SUSD4: variants seen among roughly 807,000 people sequenced by gnomAD.
SUSD4 encodes sushi domain containing 4.
A neutral mutation model predicts 50.5 loss-of-function variants in SUSD4; 41 were observed. The ratio of observed to expected loss-of-function variants is 0.81; its 90% CI spans 0.63 to 1.05. SUSD4 has a LOEUF of 1.05. Ranked by LOEUF, SUSD4 falls within the 50% of genes least tolerant of loss-of-function variation. The pLI is 0.00. For missense variants in SUSD4, 580 were observed against 634.7 expected (o/e 0.91, Z 0.93); for synonymous variants, 257 against 257.3 (o/e 1.00, Z 0.01).
At chr1:223,334,685 A>G (rs1385646149) in intron 2 of SUSD4, among the ~76,000 whole-genome samples, 1 of 152,048 alleles carries the variant, frequency 6.6e-6, no homozygotes, top group Non-Finnish European at 1.5e-5. Flanking sequence ...ATTATGAGGG[A>G]AATTTTTTAA....
intron 5 of SUSD4, among the ~76,000 whole-genome samples, chr1:223,232,246 T>C (rs1659945597): frequency 6.6e-6 from 1 of 152,292 alleles, no homozygotes; most frequent in South Asian, 2.1e-4. Context: ...CTCTGATGTA[T>C]AGTATCCAGA....
intron 2 of SUSD4, among the ~76,000 whole-genome samples, chr1:223,361,383 A>G (rs527801780): frequency 6.6e-6 from 1 of 152,272 alleles, no homozygotes; most frequent in Admixed American, 6.5e-5. Context: ...CCTGCAGCAT[A>G]TGAGTGCCTA....
intron 2 of SUSD4, among the ~76,000 whole-genome samples, chr1:223,333,303 C>T (rs375906454): frequency 3.5e-4 from 53 of 152,256 alleles, no homozygotes; most frequent in Middle Eastern, 3.4e-3. Flanking sequence ...TCTCTGCCTA[C>T]GTTTCCACAC....
chr1:223,268,013 TTATATATA>T lies in SUSD4; in HGVS notation c.535+481_535+488del, dbSNP rs59885860. The stretch of plus-strand genomic sequence containing the variant: ...AATTTTTCTGCTCTTCATGCATTTT[TTATATATA>T]TATATATATATATATATATATACAC... On this transcript the variant is annotated intron_variant, in intron 4 of 8. Coordinates refer to ENST00000366878, the MANE Select transcript of SUSD4 (RefSeq NM_017982.4). Among the ~76,000 whole-genome samples the T allele has an allele frequency of 2.1e-4, 11 of 53,346 alleles. No individual in the cohort carries two copies. The East Asian group carries it at 3.4e-3, about 17-fold the overall frequency. The allele number at this position is 53,346 out of a possible 152,430, so 35.0% of individuals were successfully genotyped here.
intron 2 of SUSD4, among the ~76,000 whole-genome samples, chr1:223,335,117 G>C (rs764063749): frequency 9.2e-5 from 14 of 152,028 alleles, no homozygotes; most frequent in Non-Finnish European, 1.8e-4. Context: ...TTACCCACTT[G>C]TTGACTGATG....
intron 2 of SUSD4, among the ~76,000 whole-genome samples, chr1:223,336,673 T>A (rs1210143772): frequency 6.6e-6 from 1 of 152,204 alleles, no homozygotes; most frequent in Non-Finnish European, 1.5e-5. Flanking sequence ...TGCAGTAGTA[T>A]CTGGGTGACT....
intron 2 of SUSD4, 125 bp downstream of exon 2, chr1:223,363,153 T>C (rs1572149023): frequency 8.5e-7 from 1 of 1,181,562 alleles, no homozygotes. Flanking sequence ...GCAGGCACCC[T>C]CGCGTTGTCA....
intron 7 of SUSD4, among the ~76,000 whole-genome samples, chr1:223,224,874 T>G (rs996591372): frequency 1.3e-4 from 19 of 143,142 alleles, no homozygotes; most frequent in African/African-American, 4.7e-4. Context: ...TTTTTTTTTT[T>G]TTTTTTTTTT....
At chr1:223,337,449 G>A (rs144677976) in intron 2 of SUSD4, among the ~76,000 whole-genome samples, 83 of 152,332 alleles carry the variant, frequency 5.4e-4, no homozygotes, top group African/African-American at 2.0e-3. Flanking sequence ...TCTAAATTTA[G>A]CTTGAGGTGT....
Position 223,227,594 on chromosome 1 carries a change from C to G in SUSD4, c.1061G>C (p.Arg354Thr). The G allele has an allele frequency of 6.2e-7, 1 of 1,613,688 alleles. No individual in the cohort carries two copies. The highest frequency in any genetic ancestry group is 8.5e-7 in the Non-Finnish European group (1 of 1,179,742). Residue 354 changes from arginine to threonine, a missense_variant and splice_region_variant, in exon 7 of 9, where the codon AGG (arginine) becomes ACG (threonine). By Grantham distance (71) the Arg-to-Thr change is moderately conservative. Coordinates refer to ENST00000366878, the MANE Select transcript of SUSD4 (RefSeq NM_017982.4). This position sits in a 1 kb window ranked among gnomAD's most constrained non-coding sequence, Gnocchi z 4.5. ...ACAGCTGCCAAGACATGACACTGAC[C>G]TGGGGGGAAAGTGGGCCTTGAACTT... ...QTKFKAHFPP[R>T]GPPRSSSSDP... is the part of the protein sequence containing the mutation.
chr1:223,288,627 A>G (rs1229236548), intron 3 of SUSD4, among the ~76,000 whole-genome samples: 2 of 152,320 alleles, frequency 1.3e-5, no homozygotes, highest in African/African-American at 4.8e-5. Flanking sequence ...CCAATGCCAT[A>G]AGAGCTGAGA....
intron 2 of SUSD4, among the ~76,000 whole-genome samples, chr1:223,323,058 A>C (rs1666672652): frequency 6.6e-6 from 1 of 152,088 alleles, no homozygotes; most frequent in Non-Finnish European, 1.5e-5. Context: ...CTTTAGGTAG[A>C]GACTGAAAGA....
chr1:223,342,312 A>G (rs1014364268), intron 2 of SUSD4, among the ~76,000 whole-genome samples: 1 of 152,300 alleles, frequency 6.6e-6, no homozygotes, highest in Admixed American at 6.5e-5. Context: ...GGAACCCAAA[A>G]GGAGATTTAA....
chr1:223,238,153 T>G (rs575912165), intron 5 of SUSD4, among the ~76,000 whole-genome samples: 1 of 152,058 alleles, frequency 6.6e-6, no homozygotes, highest in Non-Finnish European at 1.5e-5. Flanking sequence ...AGAGCATTCC[T>G]TTATTATCCT....
At chr1:223,226,345 C>T (rs146786602) in intron 7 of SUSD4, among the ~76,000 whole-genome samples, 112 of 152,332 alleles carry the variant, frequency 7.4e-4, no homozygotes, top group African/African-American at 2.6e-3. Context: ...TGACACACCT[C>T]TGGGCCTGGG....
At chr1:223,307,427 T>C (rs911904832) in intron 2 of SUSD4, among the ~76,000 whole-genome samples, 1 of 152,256 alleles carries the variant, frequency 6.6e-6, no homozygotes, top group Non-Finnish European at 1.5e-5. Context: ...GACAGTTTGA[T>C]AGGATTAGTT....
At chr1:223,308,661 TCATTTTATAGTAGAG>T (rs1665693171) in intron 2 of SUSD4, among the ~76,000 whole-genome samples, 1 of 152,240 alleles carries the variant, frequency 6.6e-6, no homozygotes, top group Non-Finnish European at 1.5e-5. Flanking sequence ...ATAATTTCCC[TCATTTTATAGTAGAG>T]AAATTTGAGA....
At chr1:223,254,497 A>G (rs541485631) in intron 5 of SUSD4, among the ~76,000 whole-genome samples, 59 of 152,342 alleles carry the variant, frequency 3.9e-4, no homozygotes, top group African/African-American at 1.4e-3. Flanking sequence ...AAGGGTCTTA[A>G]GCTAGTGAAC....
intron 5 of SUSD4, among the ~76,000 whole-genome samples, chr1:223,247,394 C>A (rs1040088558): frequency 7.9e-5 from 12 of 152,224 alleles, no homozygotes; most frequent in Non-Finnish European, 1.5e-4. Flanking sequence ...CTGAAGCCAG[C>A]AGAGCTTCCA....
Sources: gnomAD v4.1 joint callset for allele counts (sites outside exome capture counted in the v4.1 genomes callset) on GRCh38, gnomAD v4.1.1 for gene constraint, Gnocchi (gnomAD v3.1) non-coding constraint, MANE v1.5 for transcripts, NCBI Gene and HGNC (gene_info 2026-07-23, HGNC 2026-07-21) for gene names.